The following NSUN3 variants were observed in gnomAD, a reference collection of about 807,000 sequenced individuals.
The protein encoded by NSUN3 is NOP2/Sun RNA methyltransferase 3.
NSUN3 carries 24 observed loss-of-function variants against 36.8 expected under a neutral mutation model. The ratio of observed to expected loss-of-function variants is 0.65; its 90% CI spans 0.47 to 0.92. The LOEUF is 0.92. NSUN3 is among the 40% of genes least tolerant of loss of function. The pLI is 0.00. For missense variants in NSUN3, 381 were observed against 392.8 expected, an observed-to-expected ratio of 0.97 and a Z score of 0.25; for synonymous variants, 146 against 145.2, an observed-to-expected ratio of 1.01 and a Z score of -0.04.
intron 5 of NSUN3, among the ~76,000 whole-genome samples, chr3:94,112,117 A>G (rs1348813715): frequency 6.6e-6 from 1 of 152,114 alleles, no homozygotes; most frequent in Non-Finnish European, 1.5e-5. Flanking sequence ...CTTTTGTTCT[A>G]TTCAGTTCTT....
At chr3:94,120,885 C>A (rs998897808) in intron 5 of NSUN3, among the ~76,000 whole-genome samples, 5 of 152,106 alleles carry the variant, frequency 3.3e-5, no homozygotes, top group Admixed American at 2.0e-4. Context: ...TTTTAATAAT[C>A]TAACATTTTT....
Position 94,084,354 on chromosome 3 carries a change from G to T in NSUN3, c.370G>T (p.Val124Leu), listed in dbSNP as rs2077283598. The T allele has an allele frequency of 5.6e-6, 9 of 1,614,160 alleles. No homozygotes were observed. Among genetic ancestry groups the T allele is most frequent in the Non-Finnish European group, 6.8e-6 (8 of 1,180,026 alleles). The change falls in exon 3 of 6, where the codon GTG becomes TTG. Residue 124 changes from valine to leucine, a missense_variant. Coordinates refer to ENST00000314622, the MANE Select transcript of NSUN3 (RefSeq NM_022072.5). ...YLLNAASLLP[V>L]LALELRDGEK... Reference sequence around the variant, plus strand: ...CCTAAATGCTGCTTCTCTTCTCCCAGTGTTGGCTCTGGAATTAAGGGATGG... The same window carrying T: ...CCTAAATGCTGCTTCTCTTCTCCCATTGTTGGCTCTGGAATTAAGGGATGG...
rs773092930 is a variant in NSUN3 at position 94,129,842 on chromosome 3, C to T, written c.*3352C>T. ...GATCTCAGCTCACTGCAACCTCTGC[C>T]TCCCGGGTTCAAGCAGTTTTCTGCC... On this transcript the variant is annotated 3_prime_UTR_variant, in exon 6 of 6. Coordinates refer to ENST00000314622, the MANE Select transcript of NSUN3 (RefSeq NM_022072.5). 1.3e-5 allele frequency among the ~76,000 whole-genome samples: 2 copies of T among 149,524 alleles called. No individual in the cohort carries two copies. The highest frequency in any genetic ancestry group is 3.0e-5 in the Non-Finnish European group (2 of 67,654).
intron 3 of NSUN3, 100 bp downstream of exon 3, chr3:94,084,550 C>A: frequency 2.3e-6 from 2 of 880,122 alleles, no homozygotes; most frequent in Non-Finnish European, 3.3e-6. Context: ...ACTGAGTTTG[C>A]AAACTCAGGA....
chr3:94,114,858 G>A (rs982037026), intron 5 of NSUN3, among the ~76,000 whole-genome samples: 4 of 152,118 alleles, frequency 2.6e-5, no homozygotes, highest in African/African-American at 9.7e-5. Flanking sequence ...TTGAGAACAT[G>A]TGATACTTGG....
chr3:94,084,636 A>C (rs1178152475), intron 3 of NSUN3, 186 bp downstream of exon 3: 1 of 501,670 alleles, frequency 2.0e-6, no homozygotes, highest in East Asian at 3.1e-5. Flanking sequence ...CATTTTTTTC[A>C]GCAATTTAAT....
intron 2 of NSUN3, chr3:94,076,117 T>A (rs1449920244): frequency 1.4e-6 from 2 of 1,427,662 alleles, no homozygotes; most frequent in East Asian, 4.6e-5. Flanking sequence ...CTGCATCTTC[T>A]GGGGATTGTT....
intron 5 of NSUN3, among the ~76,000 whole-genome samples, chr3:94,097,845 A>G (rs368451654): frequency 9.9e-5 from 15 of 152,252 alleles, no homozygotes; most frequent in East Asian, 3.9e-4. Context: ...TCTTTAGCCT[A>G]CTGATATTGA....
chr3:94,102,202 TAAAAAAA>T (rs5850923), intron 5 of NSUN3, among the ~76,000 whole-genome samples: 104 of 101,572 alleles, frequency 1.0e-3, no homozygotes, highest in African/African-American at 3.8e-3. Context: ...AAAGAAACGT[TAAAAAAA>T]AAAAAAAAAA....
intron 3 of NSUN3, 71 bp from the exon 4 acceptor site, chr3:94,094,069 T>A (rs1170792936): frequency 8.9e-7 from 1 of 1,121,546 alleles, no homozygotes; most frequent in Non-Finnish European, 1.3e-6. Flanking sequence ...TTCTGAAATT[T>A]ATTTGCTGAA....
At chr3:94,114,987 G>C (rs935227099) in intron 5 of NSUN3, among the ~76,000 whole-genome samples, 2 of 151,926 alleles carry the variant, frequency 1.3e-5, no homozygotes, top group Admixed American at 1.3e-4. Flanking sequence ...TTTAAAGAAA[G>C]TGTAAGAATT....
chr3:94,101,022 T>A (rs1028062220), intron 5 of NSUN3, among the ~76,000 whole-genome samples: 1 of 152,126 alleles, frequency 6.6e-6, no homozygotes, highest in African/African-American at 2.4e-5. Flanking sequence ...AGGGTCTTGC[T>A]CTGTCTCCCA....
At chr3:94,067,534 T>TA (rs899731062) in intron 2 of NSUN3, among the ~76,000 whole-genome samples, 11 of 152,226 alleles carry the variant, frequency 7.2e-5, no homozygotes, top group Non-Finnish European at 1.0e-4. Flanking sequence ...TGGATCTTTT[T>TA]AAAAAAATTC....
At chr3:94,113,654 T>C (rs968778232) in intron 5 of NSUN3, among the ~76,000 whole-genome samples, 11 of 152,284 alleles carry the variant, frequency 7.2e-5, no homozygotes, top group African/African-American at 2.4e-4. Context: ...CAGAATCAGG[T>C]AAATGAAGGC....
At chr3:94,082,449 G>A (rs1330702733) in intron 2 of NSUN3, among the ~76,000 whole-genome samples, 1 of 152,100 alleles carries the variant, frequency 6.6e-6, no homozygotes, top group African/African-American at 2.4e-5. Flanking sequence ...CAAAATAGCT[G>A]AAACAGATAC....
intron 5 of NSUN3, among the ~76,000 whole-genome samples, chr3:94,110,922 G>A (rs912080287): frequency 6.6e-6 from 1 of 152,100 alleles, no homozygotes; most frequent in African/African-American, 2.4e-5. Flanking sequence ...TGGATTGTGA[G>A]GTTGAAGATT....
intron 5 of NSUN3, among the ~76,000 whole-genome samples, chr3:94,106,227 A>C (rs889852341): frequency 6.6e-6 from 1 of 152,214 alleles, no homozygotes; most frequent in African/African-American, 2.4e-5. Flanking sequence ...GAATATAAAT[A>C]TAAAGAAATA....
At chr3:94,122,173 A>C (rs114411887) in intron 5 of NSUN3, among the ~76,000 whole-genome samples, 1,948 of 150,236 alleles carry the variant, frequency 0.013, 45 homozygotes, top group African/African-American at 0.045. Flanking sequence ...AAAAAAAAAC[A>C]ATTTAAGTGA....
intron 2 of NSUN3, among the ~76,000 whole-genome samples, chr3:94,080,512 C>T (rs1282085491): frequency 1.3e-5 from 2 of 152,186 alleles, no homozygotes; most frequent in Admixed American, 6.5e-5. Flanking sequence ...TGCCCACAGC[C>T]GCCCCTTTCC....
Sources: allele counts gnomAD v4.1 joint callset (sites outside exome capture counted in the v4.1 genomes callset), GRCh38; gene constraint gnomAD v4.1.1; transcripts MANE v1.5; gene names NCBI Gene and HGNC (gene_info 2026-07-23, HGNC 2026-07-21).